Variants in POU2F3 observed in about 807,000 individuals in gnomAD.
The protein encoded by POU2F3 is POU class 2 homeobox 3, also known as POU domain, class 2, transcription factor 3.
POU2F3 carries 23 observed loss-of-function variants against 59.2 expected under a neutral mutation model. The ratio of observed to expected loss-of-function variants is 0.39; its 90% confidence interval spans 0.28 to 0.55. POU2F3 has a LOEUF of 0.55. Ranked by LOEUF, POU2F3 falls within the 20% of genes least tolerant of loss-of-function variation. The pLI is 0.66. For synonymous variants in POU2F3, 190 were observed against 214.6 expected, an observed-to-expected ratio of 0.89 and a Z score of 1.00; for missense variants, 473 against 544.5, an observed-to-expected ratio of 0.87 and a Z score of 1.31.
intron 6 of POU2F3, 103 bp from the exon 7 acceptor site, chr11:120,304,927 A>G: frequency 1.1e-6 from 1 of 914,234 alleles, no homozygotes. Context: ...GTCATCCTCT[A>G]AGTGGGCCTA....
At chr11:120,314,593 T>C (rs1488110429) in intron 10 of POU2F3, among the ~76,000 whole-genome samples, 1 of 152,176 alleles carries the variant, frequency 6.6e-6, no homozygotes, top group Non-Finnish European at 1.5e-5. Flanking sequence ...CTCAGTAGGG[T>C]TAGATAACTT....
At chr11:120,240,778 G>A (rs1259995062) in intron 1 of POU2F3, among the ~76,000 whole-genome samples, 1 of 152,162 alleles carries the variant, frequency 6.6e-6, no homozygotes, top group Admixed American at 6.5e-5. Flanking sequence ...CTGTGTGCTG[G>A]TGTCCGGGCA....
intron 2 of POU2F3, among the ~76,000 whole-genome samples, chr11:120,255,200 TGGGTGTGCCCA>T (rs1565357505): frequency 6.6e-6 from 1 of 152,162 alleles, no homozygotes; most frequent in Non-Finnish European, 1.5e-5. Context: ...TGGCCTTGCC[TGGGTGTGCCCA>T]GTCCAGGTTT....
Position 120,317,210 on chromosome 11 carries a change from T to C in POU2F3, c.1136-19T>C. 3 of 1,613,764 alleles carry C rather than the reference T, an allele frequency of 1.9e-6. No homozygotes were observed. Among genetic ancestry groups the C allele is most frequent in the Non-Finnish European group, 2.5e-6 (3 of 1,179,678 alleles). On this transcript the variant is annotated intron_variant, in intron 11 of 12. Coordinates refer to ENST00000543440, the MANE Select transcript of POU2F3 (RefSeq NM_014352.4). ...AGCAGCATTATTTCCCCCTTGTTTT[T>C]GCCTCTCCTTATCCTCAGTAACGTC...
intron 3 of POU2F3, among the ~76,000 whole-genome samples, chr11:120,284,734 T>C (rs1471146700): frequency 2.6e-5 from 4 of 152,248 alleles, no homozygotes; most frequent in Non-Finnish European, 1.5e-5. Context: ...ATGACATCAC[T>C]GTAACATTAT....
At chr11:120,270,735 TAGGCTGG>T (rs1940030123) in intron 3 of POU2F3, among the ~76,000 whole-genome samples, 1 of 152,144 alleles carries the variant, frequency 6.6e-6, no homozygotes, top group East Asian at 1.9e-4. Context: ...CTCTGTTGCC[TAGGCTGG>T]AGTGCAGTGG....
At chr11:120,300,811 A>T in intron 5 of POU2F3, 2 of 316,274 alleles carry the variant, frequency 6.3e-6, no homozygotes, top group Non-Finnish European at 1.2e-5. Context: ...CCTGTTGCAC[A>T]AATCCCAAGT....
intron 2 of POU2F3, among the ~76,000 whole-genome samples, chr11:120,248,259 G>A (rs748773176): frequency 2.0e-4 from 30 of 152,184 alleles, no homozygotes; most frequent in Admixed American, 4.6e-4. Flanking sequence ...AGGTAGGAAC[G>A]GATGAGCTTT....
chr11:120,305,261 G>C (rs1193042930), intron 7 of POU2F3, 49 bp downstream of exon 7: 3 of 1,582,808 alleles, frequency 1.9e-6, no homozygotes, highest in Non-Finnish European at 2.6e-6. Flanking sequence ...AGCGGCTGGA[G>C]ACTGGGCTTC....
rs5795223 is a variant in POU2F3 at position 120,280,632 on chromosome 11, A to AAG, written c.132+11403_132+11404dup. On this transcript the variant is annotated intron_variant, in intron 3 of 12. Transcript: ENST00000543440. ...GGACAGACAGAGAGAGAGAGAGAAA[A>AAG]AGAGAGAGAGAGAGAGTGTGTTTGT... Among the ~76,000 whole-genome samples, 85 of 139,550 alleles carry AAG rather than the reference A, an allele frequency of 6.1e-4. 2 individuals carry two copies. The highest frequency in any genetic ancestry group is 1.7e-3 in the African/African-American group (65 of 37,734). 91.6% of individuals were successfully genotyped at this position (139,550 alleles called of 152,430 possible).
At chr11:120,250,627 A>G (rs191470788) in intron 2 of POU2F3, among the ~76,000 whole-genome samples, 161 of 152,296 alleles carry the variant, frequency 1.1e-3, no homozygotes, top group African/African-American at 3.7e-3. Flanking sequence ...CTACCTAAAG[A>G]TGGTGGTAGG....
chr11:120,239,920 C>G (rs1174051915), upstream of POU2F3, among the ~76,000 whole-genome samples: 1 of 152,256 alleles, frequency 6.6e-6, no homozygotes, highest in Non-Finnish European at 1.5e-5. Context: ...GGAGTTGGCG[C>G]CACTCCGGGC....
intron 3 of POU2F3, 21 bp downstream of exon 3, chr11:120,269,265 G>A: frequency 1.3e-6 from 2 of 1,565,016 alleles, no homozygotes; most frequent in Admixed American, 1.7e-5. Flanking sequence ...GGGTCAGAAA[G>A]AAACGTTTAT....
At chr11:120,290,969 TCTC>T (rs1374761146) in intron 3 of POU2F3, among the ~76,000 whole-genome samples, 1 of 152,206 alleles carries the variant, frequency 6.6e-6, no homozygotes, top group Non-Finnish European at 1.5e-5. Flanking sequence ...CTTTACCTCT[TCTC>T]CTCCTAATGG....
chr11:120,236,979 A>G (rs146574554), upstream of POU2F3, among the ~76,000 whole-genome samples: 8 of 152,300 alleles, frequency 5.3e-5, no homozygotes, highest in African/African-American at 1.9e-4. Context: ...TGAAGGGTTC[A>G]ATGATATCTA....
At chr11:120,252,257 A>G (rs1207464225) in intron 2 of POU2F3, among the ~76,000 whole-genome samples, 173 of 140,110 alleles carry the variant, frequency 1.2e-3, no homozygotes, top group Non-Finnish European at 1.9e-3. Context: ...CCCAGGCTAG[A>G]GTGTAATGGC....
At chr11:120,281,078 C>G (rs1170799485) in intron 3 of POU2F3, among the ~76,000 whole-genome samples, 1 of 152,106 alleles carries the variant, frequency 6.6e-6, no homozygotes, top group African/African-American at 2.4e-5. Flanking sequence ...AGAATCATAG[C>G]CTTGGCTAAA....
At chr11:120,264,233 A>ACACACACAC (rs1939730065) in intron 2 of POU2F3, among the ~76,000 whole-genome samples, 2 of 146,782 alleles carry the variant, frequency 1.4e-5, no homozygotes, top group African/African-American at 2.5e-5. Context: ...ACACACACAC[A>ACACACACAC]ATTAGCTGAG....
At chr11:120,302,446 C>G in intron 6 of POU2F3, 78 bp downstream of exon 6, 2 of 1,392,062 alleles carry the variant, frequency 1.4e-6, no homozygotes. Context: ...TTTCCCCCTA[C>G]CCCTTTAACA....
Sources: gnomAD v4.1 joint callset for allele counts (sites outside exome capture counted in the v4.1 genomes callset) on GRCh38, gnomAD v4.1.1 for gene constraint, MANE v1.5 for transcripts, NCBI Gene and HGNC (gene_info 2026-07-23, HGNC 2026-07-21) for gene names.